Variants in DHX36 observed in about 807,000 individuals in gnomAD.
DHX36 encodes the protein DEAH-box helicase 36, also known as ATP-dependent DNA/RNA helicase DHX36.
A neutral mutation model predicts 139.0 loss-of-function variants in DHX36; 50 were observed. The ratio of observed to expected loss-of-function variants is 0.36; its 90% CI spans 0.29 to 0.46. The LOEUF is 0.46. Ranked by LOEUF, DHX36 falls within the 20% of genes least tolerant of loss-of-function variation. The pLI is 1.00. For missense variants in DHX36, 1,024 were observed against 1,211.3 expected (o/e 0.85, Z 2.29); for synonymous variants, 425 against 401.9 (o/e 1.06, Z -0.69).
At position 154,289,861 on chromosome 3, in the gene DHX36, G is replaced by A. The variant is rs768208965; in HGVS notation, c.1815-35C>T. On this transcript the variant is annotated intron_variant, in intron 15 of 24. Coordinates refer to ENST00000496811, the MANE Select transcript of DHX36 (RefSeq NM_020865.3). ...AAAACAAAACAAAATGAAACAAAGA[G>A]GGACAGTCATCAATGACTTTTTAGA... The A allele has an allele frequency of 3.7e-6, 5 of 1,341,498 alleles. No homozygotes were observed. In the South Asian group the frequency reaches 3.9e-5, roughly 10 times the overall value. 83.1% of individuals were successfully genotyped at this position (1,341,498 alleles called of 1,614,324 possible).
At chr3:154,312,900 TAA>T (rs1553759842) in intron 3 of DHX36, among the ~76,000 whole-genome samples, 1 of 67,590 alleles carries the variant, frequency 1.5e-5, no homozygotes, top group Non-Finnish European at 2.8e-5. Flanking sequence ...TATATATATA[TAA>T]AATAAATAAA....
intron 12 of DHX36, among the ~76,000 whole-genome samples, chr3:154,298,299 A>C (rs1052197905): frequency 1.3e-5 from 2 of 152,216 alleles, no homozygotes; most frequent in Non-Finnish European, 2.9e-5. Context: ...TAAAATTATA[A>C]GTACACTATA....
Position 154,309,782 on chromosome 3 carries a change from T to A in DHX36, c.684A>T (p.Ile228=). The part of the protein sequence containing the change: ...NLIDNHQVTV[I]SGETGCGKTT... ...TTTTGCCACAACCAGTTTCACCACT[T>A]ATTACTGTTACCTGATGGTTATCAA... is the stretch of plus-strand genomic sequence containing the variant. Residue 228 remains isoleucine, a synonymous_variant, in exon 5 of 25, where the codon ATA becomes ATT. Coordinates refer to ENST00000496811, the MANE Select transcript of DHX36 (RefSeq NM_020865.3). 1 of 1,611,716 alleles carries A rather than the reference T, an allele frequency of 6.2e-7. No individual in the cohort carries two copies. The highest frequency in any genetic ancestry group is 2.2e-5 in the East Asian group (1 of 44,678).
intron 14 of DHX36, 67 bp downstream of exon 14, chr3:154,293,681 T>C (rs1711915321): frequency 2.5e-6 from 3 of 1,194,636 alleles, no homozygotes; most frequent in South Asian, 1.3e-5. Flanking sequence ...GATTAAGGTA[T>C]ATAAACACGT....
chr3:154,295,305 C>A lies in DHX36; in HGVS notation c.1584G>T (p.Met528Ile). The change falls in exon 13 of 25, where the codon ATG becomes ATT. Residue 528 changes from methionine to isoleucine, a missense_variant. This residue lies in a region of DHX36 where 470 missense variants were observed against 616.2 expected (regional missense o/e 0.76). Transcript: ENST00000496811. The part of the protein sequence containing the change: ...KFLIIPLHSL[M>I]PTVNQTQVFK... ...ATACCTGTGTCTGGTTAACTGTAGG[C>A]ATCAGTGAATGTAAAGGTATAATTA... The A allele has an allele frequency of 6.5e-7, 1 of 1,546,374 alleles. No homozygotes were observed. Among genetic ancestry groups the A allele is most frequent in the Admixed American group, 1.9e-5 (1 of 52,702 alleles).
chr3:154,312,852 AATATATATATATATAT>A (rs67771264), intron 3 of DHX36, among the ~76,000 whole-genome samples: 4,266 of 39,690 alleles, frequency 0.11, 355 homozygotes, highest in African/African-American at 0.18. Context: ...AAATAATTAA[AATATATATATATATAT>A]ATATATATAT....
chr3:154,307,458 C>T (rs931625387), intron 5 of DHX36, among the ~76,000 whole-genome samples: 1 of 151,970 alleles, frequency 6.6e-6, no homozygotes, highest in Non-Finnish European at 1.5e-5. Context: ...GGGCAAAAGA[C>T]AAGAACAGAC....
chr3:154,276,616 C>T, intron 24 of DHX36, 131 bp downstream of exon 24: 1 of 1,060,408 alleles, frequency 9.4e-7, no homozygotes, highest in Non-Finnish European at 1.4e-6. Flanking sequence ...AACCAGGAAT[C>T]ATTTTTTCAA....
intron 1 of DHX36, among the ~76,000 whole-genome samples, chr3:154,323,333 T>A (rs1713271454): frequency 6.6e-6 from 1 of 151,388 alleles, no homozygotes; most frequent in African/African-American, 2.4e-5. Flanking sequence ...AGACCCTGTC[T>A]TAAAAAAAAA....
Position 154,280,843 on chromosome 3 carries a change from C to T in DHX36, c.2396G>A (p.Gly799Glu). The change falls in exon 21 of 25, where the codon GGA becomes GAA. Residue 799 changes from glycine to glutamate, a missense_variant. This residue lies in a region of DHX36 where 470 missense variants were observed against 616.2 expected (regional missense o/e 0.76). Coordinates refer to ENST00000496811, the MANE Select transcript of DHX36 (RefSeq NM_020865.3). ...TCCAAGAAGATGCTCAGCAAACTGT[C>T]CTTTCATGTTATGCAGCATCTAGGG... ...NTLQMLHNMK[G>E]QFAEHLLGAG... 1 of 1,613,334 alleles carries T rather than the reference C, an allele frequency of 6.2e-7. No individual in the cohort carries two copies. Among genetic ancestry groups the T allele is most frequent in the East Asian group, 2.2e-5 (1 of 44,842 alleles).
intron 8 of DHX36, 100 bp from the exon 9 acceptor site, chr3:154,303,510 T>C: frequency 1.2e-6 from 1 of 845,172 alleles, no homozygotes; most frequent in South Asian, 2.2e-5. Flanking sequence ...TACTATTAAT[T>C]CCAGAAAATG....
chr3:154,321,908 C>T (rs941957171), intron 1 of DHX36, among the ~76,000 whole-genome samples: 1 of 132,662 alleles, frequency 7.5e-6, no homozygotes, highest in Non-Finnish European at 1.5e-5. Context: ...GACTGGGCAA[C>T]AGAGTGAGAC....
At chr3:154,288,033 G>T (rs1020206980) in intron 17 of DHX36, among the ~76,000 whole-genome samples, 2 of 150,168 alleles carry the variant, frequency 1.3e-5, no homozygotes, top group Admixed American at 6.7e-5. Context: ...ACTGTTGGGC[G>T]TTATCTACCC....
At chr3:154,286,558 C>A (rs1224588901) in intron 17 of DHX36, among the ~76,000 whole-genome samples, 1 of 151,018 alleles carries the variant, frequency 6.6e-6, no homozygotes, top group South Asian at 2.1e-4. Flanking sequence ...TATTTGAAAT[C>A]TAAATTTTAA....
chr3:154,313,110 C>A (rs1219739130), intron 3 of DHX36, among the ~76,000 whole-genome samples: 1 of 151,418 alleles, frequency 6.6e-6, no homozygotes, highest in South Asian at 2.1e-4. Context: ...TATCTAAAAA[C>A]TATTTTTAAT....
At chr3:154,321,504 T>G (rs1467800250) in intron 1 of DHX36, among the ~76,000 whole-genome samples, 1 of 152,232 alleles carries the variant, frequency 6.6e-6, no homozygotes, top group Non-Finnish European at 1.5e-5. Flanking sequence ...CTCTAATACC[T>G]TAATACTGTA....
intron 12 of DHX36, among the ~76,000 whole-genome samples, chr3:154,298,849 G>A (rs1418402446): frequency 6.6e-6 from 1 of 152,180 alleles, no homozygotes; most frequent in South Asian, 2.1e-4. Context: ...GGAAGGTAGA[G>A]GTTGCAGTGA....
At chr3:154,291,114 G>A (rs1452744792) in intron 15 of DHX36, among the ~76,000 whole-genome samples, 3 of 103,456 alleles carry the variant, frequency 2.9e-5, no homozygotes, top group East Asian at 6.4e-4. Flanking sequence ...CAGCCTGGGC[G>A]ACAGAGCGAG....
rs537022395 is a variant in DHX36, at chr3:154,317,821, T to C, written c.244-1658A>G. On this transcript the variant is annotated intron_variant, in intron 1 of 24. Coordinates refer to ENST00000496811, the MANE Select transcript of DHX36 (RefSeq NM_020865.3). ...TAAAATACTGTAAAATCTAGAGCAA[T>C]AGATTTCAATTGTTTATTTTTTATA... is the stretch of plus-strand genomic sequence containing the variant. 5.8e-4 allele frequency among the ~76,000 whole-genome samples: 85 copies of C among 146,666 alleles called. 1 individual carries two copies. Among genetic ancestry groups the C allele is most frequent in the African/African-American group, 1.7e-3 (66 of 38,692 alleles).
Sources: gnomAD v4.1 joint callset for allele counts (sites outside exome capture counted in the v4.1 genomes callset) on GRCh38, gnomAD v4.1.1 for gene constraint, gnomAD v4.1.1 regional missense constraint, MANE v1.5 for transcripts, NCBI Gene and HGNC (gene_info 2026-07-23, HGNC 2026-07-21) for gene names.